Variants in ZNF701 observed in about 807,000 individuals in gnomAD.
ZNF701 encodes the protein zinc finger protein 701.
Under a neutral mutation model 7.1 loss-of-function variants are expected in ZNF701, and 6 were observed. That is an observed-to-expected ratio of 0.84 (90% CI 0.46 to 1.66). The LOEUF (loss-of-function observed/expected upper bound fraction) is 1.66. Ranked by LOEUF, ZNF701 falls within the 40% of genes most tolerant of loss-of-function variation. The pLI is 0.01. For synonymous variants in ZNF701, 166 were observed against 188.2 expected, an observed-to-expected ratio of 0.88 and a Z score of 0.97; for missense variants, 541 against 559.2, an observed-to-expected ratio of 0.97 and a Z score of 0.33.
At chr19:52,597,214 C>T in the ZNF701 span, 2 of 556,864 alleles carry the variant, frequency 3.6e-6, no homozygotes, top group East Asian at 9.1e-5. Context: ...CAAGCTTCAT[C>T]CTATGCAAAA....
intron 2 of ZNF701, among the ~76,000 whole-genome samples, chr19:52,575,353 TAC>T (rs143468716): frequency 0.089 from 13,480 of 152,080 alleles, 648 homozygotes; most frequent in Middle Eastern, 0.2. Context: ...CATACATATA[TAC>T]ACACACACAT....
chr19:52,590,113 T>G (rs1403334244), downstream of ZNF701, among the ~76,000 whole-genome samples: 4 of 149,972 alleles, frequency 2.7e-5, no homozygotes, highest in African/African-American at 9.9e-5. Context: ...TATTGTTTTT[T>G]TTTTTTTGAG....
Position 52,582,786 on chromosome 19 carries a change from T to C in ZNF701, c.727T>C (p.Tyr243His), listed in dbSNP as rs1425748773. ...GATAATCCATTTAGGAGACAAACAGTATAAATGTGATGTATGCGGCAAGGA... is the reference window on the plus strand; with the variant it reads ...GATAATCCATTTAGGAGACAAACAGCATAAATGTGATGTATGCGGCAAGGA... ...HQIIHLGDKQYKCDVCGKDFH... is the reference protein window; with the variant it reads ...HQIIHLGDKQHKCDVCGKDFH... Residue 243 changes from tyrosine to histidine, a missense_variant, in exon 4 of 4, where the codon TAT becomes CAT. Tyr to His is a moderately conservative substitution (Grantham distance 83). Transcript: ENST00000391785. 2 of 1,614,150 alleles carry C rather than the reference T, an allele frequency of 1.2e-6. No individual in the cohort carries two copies. The highest frequency in any genetic ancestry group is 2.2e-5 in the South Asian group (2 of 91,080).
intron 1 of ZNF701, among the ~76,000 whole-genome samples, chr19:52,571,643 A>C (rs1246261172): frequency 6.6e-6 from 1 of 152,024 alleles, no homozygotes; most frequent in Non-Finnish European, 1.5e-5. Flanking sequence ...TACAGGCGTG[A>C]GCCACCGCAC....
At chr19:52,592,453 A>G in the ZNF701 span, among the ~76,000 whole-genome samples, 1 of 152,358 alleles carries the variant, frequency 6.6e-6, no homozygotes, top group Non-Finnish European at 1.5e-5. Context: ...CACTTTGACT[A>G]ATAAGATTGA....
the ZNF701 span, chr19:52,596,937 G>A: frequency 6.8e-6 from 4 of 590,084 alleles, no homozygotes; most frequent in African/African-American, 1.9e-5. Context: ...TAATGAGTGG[G>A]GCAAAGCCTT....
chr19:52,573,567 T>A (rs2059913735), intron 1 of ZNF701, among the ~76,000 whole-genome samples: 1 of 151,774 alleles, frequency 6.6e-6, no homozygotes, highest in South Asian at 2.1e-4. Flanking sequence ...ACAGACAGGT[T>A]TTCACCATGG....
At chr19:52,575,292 T>TTA (rs1453498928) in intron 2 of ZNF701, among the ~76,000 whole-genome samples, 4 of 151,784 alleles carry the variant, frequency 2.6e-5, no homozygotes, top group Non-Finnish European at 2.9e-5. Flanking sequence ...TTTAAAACCT[T>TTA]TATATATATA....
In ZNF701 at chr19:52,582,655, C is replaced by T; in HGVS notation, c.596C>T (p.Ser199Phe). Residue 199 changes from serine to phenylalanine, a missense_variant, in exon 4 of 4, where the codon TCT becomes TTT. Physicochemically the swap from Ser to Phe is radical, Grantham distance 155 (BLOSUM62 -2). Coordinates refer to ENST00000391785, the MANE Select transcript of ZNF701 (RefSeq NM_018260.3). ...AAGTATAGGAATAATTTCCTCCAGT[C>T]TTCATTACTCACACAAAAACGGGAA... is the stretch of plus-strand genomic sequence containing the variant. ...SNKYRNNFLQ[S>F]SLLTQKREVH... The T allele has an allele frequency of 3.1e-6, 5 of 1,614,134 alleles. No individual in the cohort carries two copies. The highest frequency in any genetic ancestry group is 4.2e-6 in the Non-Finnish European group (5 of 1,180,020).
At chr19:52,588,537 A>G, downstream of ZNF701, 1 of 342,808 alleles carries the variant, frequency 2.9e-6, no homozygotes, top group Admixed American at 3.5e-5. Flanking sequence ...CACAGGATTG[A>G]TTTCCAAAGA....
At chr19:52,576,646 C>T (rs77838395) in intron 3 of ZNF701, among the ~76,000 whole-genome samples, 15,925 of 151,878 alleles carry the variant, frequency 0.1, 1,048 homozygotes, top group Admixed American at 0.14. Context: ...AGCTTGATGT[C>T]CACATATTAC....
At position 52,582,217 on chromosome 19, in the gene ZNF701, G is replaced by T; in HGVS notation, c.158G>T (p.Cys53Phe). ...NLVSLDTSSK[C>F]MMKMFSSTGQ... ...TATTTTGTAGATACCTCTTCCAAATGCATGATGAAGATGTTCTCATCAACA... is the reference window on the plus strand; with the variant it reads ...TATTTTGTAGATACCTCTTCCAAATTCATGATGAAGATGTTCTCATCAACA... The change falls in exon 4 of 4, where the codon TGC (cysteine) becomes TTC (phenylalanine). Residue 53 changes from cysteine (C) to phenylalanine (F), a missense_variant. Coordinates refer to ENST00000391785, the MANE Select transcript of ZNF701 (RefSeq NM_018260.3). 1 of 1,579,544 alleles carries T rather than the reference G, an allele frequency of 6.3e-7. No individual in the cohort carries two copies. The highest frequency in any genetic ancestry group is 8.6e-7 in the Non-Finnish European group (1 of 1,163,886).
chr19:52,589,642 G>C (rs2126500), downstream of ZNF701, among the ~76,000 whole-genome samples: 11,372 of 152,074 alleles, frequency 0.075, 479 homozygotes, highest in African/African-American at 0.11. Flanking sequence ...ACCACTCCCA[G>C]CTAAGTTTTG....
the ZNF701 span, among the ~76,000 whole-genome samples, chr19:52,593,817 G>A: frequency 6.9e-4 from 76 of 110,682 alleles, no homozygotes; most frequent in African/African-American, 2.6e-3. Flanking sequence ...GGGCAGAGAC[G>A]CTCCTCACTT....
chr19:52,593,777 T>C, the ZNF701 span, among the ~76,000 whole-genome samples: 4 of 92,338 alleles, frequency 4.3e-5, no homozygotes, highest in Admixed American at 1.1e-4. Flanking sequence ...AGGGCAGAGG[T>C]GCTCCCCACA....
the ZNF701 span, among the ~76,000 whole-genome samples, chr19:52,595,185 C>T: frequency 6.6e-6 from 1 of 151,946 alleles, no homozygotes. Context: ...TGTTCTTAAA[C>T]TTTGAAGATC....
At chr19:52,588,589 G>T, downstream of ZNF701, 1 of 397,444 alleles carries the variant, frequency 2.5e-6, no homozygotes, top group Non-Finnish European at 4.9e-6. Flanking sequence ...GCAAAGAAAA[G>T]GAGCCAGGGA....
intron 1 of ZNF701, chr19:52,570,947 T>A (rs1384264956): frequency 6.6e-6 from 1 of 151,682 alleles, no homozygotes; most frequent in Non-Finnish European, 1.5e-5. Flanking sequence ...GATGCAGGCG[T>A]CTTACTTCAA....
chr19:52,580,514 C>T (rs1013604843), intron 3 of ZNF701, among the ~76,000 whole-genome samples: 1 of 152,082 alleles, frequency 6.6e-6, no homozygotes, highest in African/African-American at 2.4e-5. Flanking sequence ...CATGTGCCAC[C>T]GTGCCCGGAC....
Sources: gnomAD v4.1 joint callset for allele counts (sites outside exome capture counted in the v4.1 genomes callset) on GRCh38, gnomAD v4.1.1 for gene constraint, MANE v1.5 for transcripts, NCBI Gene and HGNC (gene_info 2026-07-23, HGNC 2026-07-21) for gene names.